Variants in FSIP1 observed in about 807,000 individuals in gnomAD.
FSIP1 encodes the protein fibrous sheath-interacting protein 1.
A neutral mutation model predicts 60.9 loss-of-function variants in FSIP1; 65 were observed. The ratio of observed to expected loss-of-function variants is 1.07; its 90% CI spans 0.87 to 1.31. The LOEUF (loss-of-function observed/expected upper bound fraction) is 1.31, where lower values mean the gene tolerates loss of function less well. Among genes scored for constraint, FSIP1 ranks in the 40% most tolerant of loss-of-function variants. The probability of loss-of-function intolerance (pLI) is 0.00; values close to 1 mark genes in which losing one functional copy is unlikely to be tolerated. For synonymous variants in FSIP1, 209 were observed against 221.2 expected, an observed-to-expected ratio of 0.94 and a Z score of 0.49; for missense variants, 675 against 665.5, an observed-to-expected ratio of 1.01 and a Z score of -0.16.
chr15:39,617,863 G>T lies in FSIP1; in HGVS notation c.1571C>A (p.Ser524Ter). 1.2e-6 allele frequency: 2 copies of T among 1,614,050 alleles called. No individual in the cohort carries two copies. Among genetic ancestry groups the T allele is most frequent in the South Asian group, 1.1e-5 (1 of 91,066 alleles). The change falls in exon 11 of 12, where the codon TCG (serine) becomes TAG (stop). Residue 524 changes from serine (S) to a stop codon, truncating the protein, a stop_gained. Coordinates refer to ENST00000350221, the MANE Select transcript of FSIP1 (RefSeq NM_152597.5). LOFTEE classifies it high-confidence loss of function. ...IISDTKDYFM[S>*]KTLGIGRLKR... The stretch of plus-strand genomic sequence containing the variant: ...CAGTCTCCCAATGCCAAGAGTCTTC[G>T]ACATAAAATAGTCTTTTGTGTCACT...
intron 11 of FSIP1, among the ~76,000 whole-genome samples, chr15:39,603,099 C>T (rs1158619809): frequency 1.3e-5 from 2 of 152,128 alleles, no homozygotes; most frequent in African/African-American, 4.8e-5. Context: ...ACAAGACAGC[C>T]CTTCAAATGT....
chr15:39,672,987 A>G (rs537163108), intron 10 of FSIP1, among the ~76,000 whole-genome samples: 2 of 152,296 alleles, frequency 1.3e-5, no homozygotes, highest in East Asian at 1.9e-4. Context: ...CAAAGTGTCA[A>G]TCTAAAATGA....
At chr15:39,637,979 A>AT (rs1370738620) in intron 10 of FSIP1, among the ~76,000 whole-genome samples, 1 of 152,222 alleles carries the variant, frequency 6.6e-6, no homozygotes, top group African/African-American at 2.4e-5. Flanking sequence ...GCAGTTAGTG[A>AT]TATTTTATAG....
At chr15:39,698,744 C>A (rs1894930328) in intron 10 of FSIP1, among the ~76,000 whole-genome samples, 1 of 152,192 alleles carries the variant, frequency 6.6e-6, no homozygotes, top group Non-Finnish European at 1.5e-5. Flanking sequence ...GGCAAACACA[C>A]TAAAGTGCCA....
chr15:39,599,684 T>C (rs919757059), downstream of FSIP1, among the ~76,000 whole-genome samples: 16 of 152,098 alleles, frequency 1.1e-4, no homozygotes, highest in African/African-American at 3.9e-4. Flanking sequence ...CCATATCACC[T>C]TTGCCCTCTG....
intron 5 of FSIP1, among the ~76,000 whole-genome samples, chr15:39,758,150 A>G (rs1007365937): frequency 1.3e-5 from 2 of 152,140 alleles, no homozygotes; most frequent in African/African-American, 4.8e-5. Context: ...CAATGTGAGC[A>G]TAGATTTAAG....
intron 10 of FSIP1, among the ~76,000 whole-genome samples, chr15:39,670,466 TTC>T (rs1183551643): frequency 5.4e-5 from 8 of 148,912 alleles, no homozygotes; most frequent in Non-Finnish European, 1.2e-4. Context: ...CATGATTATT[TTC>T]TCTCTTTTGT....
intron 5 of FSIP1, among the ~76,000 whole-genome samples, chr15:39,743,968 T>G (rs1272845814): frequency 6.6e-6 from 1 of 152,214 alleles, no homozygotes; most frequent in Non-Finnish European, 1.5e-5. Flanking sequence ...ATGTAATGCA[T>G]AGCCTGAGAT....
chr15:39,670,333 A>G (rs919641395), intron 10 of FSIP1, among the ~76,000 whole-genome samples: 2 of 152,184 alleles, frequency 1.3e-5, no homozygotes, highest in Non-Finnish European at 2.9e-5. Context: ...TGGTGAACAG[A>G]AACAGGAATG....
At position 39,677,615 on chromosome 15, in the gene FSIP1, T is replaced by TA. The variant is rs1420971498; in HGVS notation, c.1188+35828dup. Reference sequence around the variant, plus strand: ...AAAGACACATATACAGGATGTTTGTTAGAGTATTATATCTAATAGCACAAA... The same window carrying TA: ...AAAGACACATATACAGGATGTTTGTTAAGAGTATTATATCTAATAGCACAAA... On this transcript the variant is annotated intron_variant, in intron 10 of 11. Coordinates refer to ENST00000350221, the MANE Select transcript of FSIP1 (RefSeq NM_152597.5). 1.6e-4 allele frequency among the ~76,000 whole-genome samples: 24 copies of TA among 152,204 alleles called. 1 individual carries two copies. Among genetic ancestry groups the TA allele is most frequent in the African/African-American group, 5.5e-4 (23 of 41,450 alleles).
chr15:39,648,256 G>T (rs1339435586), intron 10 of FSIP1, among the ~76,000 whole-genome samples: 2 of 148,784 alleles, frequency 1.3e-5, no homozygotes, highest in Non-Finnish European at 3.0e-5. Context: ...AGATTGTACT[G>T]GCAGCTTGAA....
rs1400414317 is a variant in FSIP1, at chr15:39,741,827, C to T, written c.633G>A (p.Met211Ile). The stretch of plus-strand genomic sequence containing the variant: ...TACCTTTATTGAGTTTCTGCATCTG[C>T]ATTTCATATTCTTCTGGAGGGATTT... Reference protein sequence around the residue: ...HTQIPPEEYEMQMQKLNKDFT... With the variant: ...HTQIPPEEYEIQMQKLNKDFT... The change falls in exon 6 of 12, where the codon ATG becomes ATA. Residue 211 changes from methionine to isoleucine, a missense_variant. By Grantham distance (10) the Met-to-Ile change is conservative. Coordinates refer to ENST00000350221, the MANE Select transcript of FSIP1 (RefSeq NM_152597.5). The T allele has an allele frequency of 1.3e-6, 2 of 1,593,460 alleles. No homozygotes were observed. Among genetic ancestry groups the T allele is most frequent in the Non-Finnish European group, 1.7e-6 (2 of 1,162,028 alleles).
At chr15:39,719,618 C>A (rs1369500028) in intron 9 of FSIP1, among the ~76,000 whole-genome samples, 1 of 152,166 alleles carries the variant, frequency 6.6e-6, no homozygotes, top group Non-Finnish European at 1.5e-5. Context: ...TACAAACCTG[C>A]CTAAATAAAG....
intron 11 of FSIP1, among the ~76,000 whole-genome samples, chr15:39,608,011 C>T (rs2412422): frequency 0.21 from 32,463 of 151,874 alleles, 4,418 homozygotes; most frequent in African/African-American, 0.38. Flanking sequence ...TTGTAGAAAG[C>T]ACATAATGGA....
At chr15:39,753,621 T>C (rs1000320090) in intron 5 of FSIP1, among the ~76,000 whole-genome samples, 1 of 152,050 alleles carries the variant, frequency 6.6e-6, no homozygotes, top group Non-Finnish European at 1.5e-5. Context: ...GGACATGAAA[T>C]AAAAATTTAT....
chr15:39,617,734 C>G lies in FSIP1; in HGVS notation c.1699+1G>C. The G allele has an allele frequency of 6.2e-7, 1 of 1,606,240 alleles. No homozygotes were observed. The highest frequency in any genetic ancestry group is 1.3e-5 in the African/African-American group (1 of 74,614). On this transcript the variant is annotated splice_donor_variant, in intron 11 of 11. Transcript: ENST00000350221. LOFTEE classifies it high-confidence loss of function. ...CAAAACACATGTTCGCCAAGCCTCA[C>G]CTGCTATTGTATTCTCTGGAGAACT...
At chr15:39,762,710 TA>T (rs1329901673) in intron 5 of FSIP1, among the ~76,000 whole-genome samples, 2 of 152,186 alleles carry the variant, frequency 1.3e-5, no homozygotes, top group South Asian at 2.1e-4. Context: ...CCTGTTTTCT[TA>T]AAGACAAGGC....
intron 11 of FSIP1, among the ~76,000 whole-genome samples, chr15:39,608,421 T>C (rs1010800153): frequency 1.3e-5 from 2 of 152,208 alleles, no homozygotes; most frequent in African/African-American, 2.4e-5. Context: ...AAATTACTTT[T>C]CTAAACCCCC....
chr15:39,681,254 T>A (rs539818947), intron 10 of FSIP1, among the ~76,000 whole-genome samples: 6 of 152,220 alleles, frequency 3.9e-5, no homozygotes, highest in Non-Finnish European at 7.3e-5. Flanking sequence ...TGCCATAAAG[T>A]TATACACCAA....
Sources: allele counts gnomAD v4.1 joint callset (sites outside exome capture counted in the v4.1 genomes callset), GRCh38; gene constraint gnomAD v4.1.1; transcripts MANE v1.5; gene names NCBI Gene and HGNC (gene_info 2026-07-23, HGNC 2026-07-21).